Variants in VASH1 observed in about 807,000 individuals in gnomAD.
VASH1 encodes the protein tubulinyl-Tyr carboxypeptidase 1.
In VASH1, 16 loss-of-function variants were observed where a neutral mutation model predicts 35.0. That is an observed-to-expected ratio of 0.46 (90% CI 0.31 to 0.70). The LOEUF is 0.70. Ranked by LOEUF, VASH1 falls within the 30% of genes least tolerant of loss-of-function variation. The pLI, the probability that VASH1 is intolerant of heterozygous loss-of-function variation, is 0.05. For synonymous variants in VASH1, 214 were observed against 200.9 expected (o/e 1.07, Z -0.55); for missense variants, 505 against 510.7 (o/e 0.99, Z 0.11).
rs1170169665 is a variant in VASH1 at position 76,782,963 on chromosome 14, A to C, written c.*3945A>C. 1 of 152,706 alleles carries C rather than the reference A, an allele frequency of 6.5e-6. No individual in the cohort carries two copies. Among genetic ancestry groups the C allele is most frequent in the African/African-American group, 2.4e-5 (1 of 41,438 alleles). The allele number at this position is 152,706 out of a possible 1,614,324, so 9.5% of individuals were successfully genotyped here. A position where few individuals can be genotyped will look rare whatever the true frequency, so the allele number is the denominator to read the frequency against. Reference sequence around the variant, plus strand: ...CTCATTCCTGTTGTCACTTTCCCCGAAACGAATAAAGTCTCCCCAGCTCCT... The same window carrying C: ...CTCATTCCTGTTGTCACTTTCCCCGCAACGAATAAAGTCTCCCCAGCTCCT... On this transcript the variant is annotated 3_prime_UTR_variant, in exon 7 of 7. Coordinates refer to ENST00000167106, the MANE Select transcript of VASH1 (RefSeq NM_014909.5).
rs1445737229 is a variant in VASH1 at position 76,776,288 on chromosome 14, C to T, written c.912+15C>T. On this transcript the variant is annotated intron_variant, in intron 5 of 6. Coordinates refer to ENST00000167106, the MANE Select transcript of VASH1 (RefSeq NM_014909.5). ...TGCGGCTCAAGGTCTGCCCGCCTTC[C>T]ACGCCCTCGCCCCCTCCCTCGCCCC... 4 of 1,547,500 alleles carry T rather than the reference C, an allele frequency of 2.6e-6. No homozygotes were observed. In the African/African-American group the frequency reaches 5.4e-5, roughly 21 times the overall value.
At chr14:76,775,146 T>C (rs1378112322) in intron 4 of VASH1, among the ~76,000 whole-genome samples, 1 of 152,174 alleles carries the variant, frequency 6.6e-6, no homozygotes, top group Non-Finnish European at 1.5e-5. Context: ...GTTTGCATTC[T>C]AGTGGAGGAG....
chr14:76,778,970 C>A lies in VASH1; in HGVS notation c.1050C>A (p.Ser350=). The A allele has an allele frequency of 2.5e-6, 4 of 1,614,186 alleles. No individual in the cohort carries two copies. The highest frequency in any genetic ancestry group is 3.4e-6 in the Non-Finnish European group (4 of 1,180,032). The part of the protein sequence containing the change: ...ERRPSGDKKT[S]EPKAMPDLNG... ...GGCCCTCGGGTGACAAGAAGACTTC[C>A]GAGCCCAAAGCCATGCCAGACCTTA... The change falls in exon 7 of 7, where the codon TCC becomes TCA. Residue 350 remains serine, a synonymous_variant. Coordinates refer to ENST00000167106, the MANE Select transcript of VASH1 (RefSeq NM_014909.5).
chr14:76,776,377 G>C, intron 5 of VASH1, 104 bp downstream of exon 5: 12 of 1,400,856 alleles, frequency 8.6e-6, no homozygotes, highest in Non-Finnish European at 1.1e-5. Context: ...CAGGGGACTG[G>C]GGTGCTGGGA....
chr14:76,769,932 C>G (rs199598173), intron 1 of VASH1, 31 bp from the exon 2 acceptor site: 116 of 1,609,100 alleles, frequency 7.2e-5, no homozygotes, highest in South Asian at 4.4e-5. Context: ...TGAGCCTCTT[C>G]TTGTGACCGG....
intron 4 of VASH1, chr14:76,774,335 T>A (rs1448092185): frequency 6.6e-6 from 1 of 152,150 alleles, no homozygotes; most frequent in Non-Finnish European, 1.5e-5. Context: ...GTTTATGGGG[T>A]TCTTTGCTGG....
At chr14:76,775,865 C>T (rs2140185980) in intron 4 of VASH1, 27 bp from the exon 5 acceptor site, 2 of 1,526,966 alleles carry the variant, frequency 1.3e-6, no homozygotes, top group South Asian at 1.3e-5. Context: ...CTTCTCCTGG[C>T]TCTTTCCTTA....
chr14:76,777,961 TGGCAAAGG>T lies in VASH1; in HGVS notation c.917_924del (p.Gly306AspfsTer32). On this transcript the variant is annotated frameshift_variant, in exon 6 of 7. Transcript: ENST00000167106. LOFTEE classifies it high-confidence loss of function. ...GTTGCTTCCTCCTCTGCACCTAGAT[TGGCAAAGG>T]GACGGGCCCTCCCTCTCCCACCAAG... 6.6e-7 allele frequency: 1 copy of T among 1,516,408 alleles called. No homozygotes were observed. The highest frequency in any genetic ancestry group is 8.8e-7 in the Non-Finnish European group (1 of 1,133,440). The allele number at this position is 1,516,408 out of a possible 1,614,324, so 93.9% of individuals were successfully genotyped here. A position where few individuals can be genotyped will look rare whatever the true frequency, so the allele number is the denominator to read the frequency against.
Position 76,762,799 on chromosome 14 carries a change from C to T in VASH1, c.-23C>T, listed in dbSNP as rs1006091338. ...TGAGCCAGTTGTTTTCCCGCCTCCA[C>T]CACCCCCCTCGAAGATTTAGGGATG... On this transcript the variant is annotated 5_prime_UTR_variant, in exon 1 of 7. Transcript: ENST00000167106. 1 of 1,448,798 alleles carries T rather than the reference C, an allele frequency of 6.9e-7. No individual in the cohort carries two copies. The highest frequency in any genetic ancestry group is 2.4e-5 in the East Asian group (1 of 40,970). The allele number at this position is 1,448,798 out of a possible 1,614,324, so 89.7% of individuals were successfully genotyped here. A position where few individuals can be genotyped will look rare whatever the true frequency, so the allele number is the denominator to read the frequency against.
chr14:76,775,884 C>G lies in VASH1; in HGVS notation c.531-8C>G, dbSNP rs1453980179. On this transcript the variant is annotated splice_polypyrimidine_tract_variant and splice_region_variant and intron_variant, in intron 4 of 6. Coordinates refer to ENST00000167106, the MANE Select transcript of VASH1 (RefSeq NM_014909.5). Reference sequence around the variant, plus strand: ...TCCTGGCTCTTTCCTTAGCGGGGCACTGGCCAGTTACCTCACCAACAGCAT... The same window carrying G: ...TCCTGGCTCTTTCCTTAGCGGGGCAGTGGCCAGTTACCTCACCAACAGCAT... 1 of 1,556,940 alleles carries G rather than the reference C, an allele frequency of 6.4e-7. No homozygotes were observed. The highest frequency in any genetic ancestry group is 1.9e-5 in the Admixed American group (1 of 53,540).
At chr14:76,777,140 G>T (rs529775807) in intron 5 of VASH1, among the ~76,000 whole-genome samples, 3 of 152,230 alleles carry the variant, frequency 2.0e-5, no homozygotes, top group African/African-American at 7.2e-5. Context: ...GCAGGGGTTT[G>T]TAAGAGCTAC....
rs549248167 is a variant in VASH1, at chr14:76,778,181, G to A, written c.1025+110G>A. ...TCTCTCCCACCCTTCTCTCTTTTTC[G>A]CTCCCACCCAAGGGAGGTGACTTGG... On this transcript the variant is annotated intron_variant, in intron 6 of 6. Transcript: ENST00000167106. 92 of 811,236 alleles carry A rather than the reference G, an allele frequency of 1.1e-4. 1 individual carries two copies. Among genetic ancestry groups the A allele is most frequent in the South Asian group, 4.3e-4 (16 of 37,646 alleles). The allele number at this position is 811,236 out of a possible 1,614,324, so 50.3% of individuals were successfully genotyped here. A position where few individuals can be genotyped will look rare whatever the true frequency, so the allele number is the denominator to read the frequency against.
At chr14:76,763,274 C>T in intron 1 of VASH1, 144 bp downstream of exon 1, 1 of 860,836 alleles carries the variant, frequency 1.2e-6, no homozygotes, top group Non-Finnish European at 1.6e-6. Flanking sequence ...TCATACCTGT[C>T]TAGGAGAACT....
At chr14:76,776,860 T>TA (rs1893959637) in intron 5 of VASH1, among the ~76,000 whole-genome samples, 1 of 152,058 alleles carries the variant, frequency 6.6e-6, no homozygotes, top group Non-Finnish European at 1.5e-5. Flanking sequence ...CCCTGCTGGG[T>TA]ATCTCCATAG....
intron 1 of VASH1, among the ~76,000 whole-genome samples, chr14:76,764,305 T>C (rs1341247187): frequency 6.6e-6 from 1 of 152,194 alleles, no homozygotes; most frequent in Non-Finnish European, 1.5e-5. Flanking sequence ...GGAAACAAAA[T>C]GTAGATTGAT....
In VASH1 at chr14:76,776,047, A is replaced by T. The variant is rs764924694; in HGVS notation, c.686A>T (p.Lys229Met). 6.2e-7 allele frequency: 1 copy of T among 1,611,028 alleles called. No individual in the cohort carries two copies. The highest frequency in any genetic ancestry group is 8.5e-7 in the Non-Finnish European group (1 of 1,179,602). ...AGTCGGCGCGAGGACCTGATGTACA[A>T]GCCGCCCGCCTTCCGCACGCTCAGC... ...GMSRREDLMY[K>M]PPAFRTLSEL... Residue 229 changes from lysine (K) to methionine (M), a missense_variant, in exon 5 of 7, where the codon AAG becomes ATG. By Grantham distance (95) the Lys-to-Met change is moderately conservative. Coordinates refer to ENST00000167106, the MANE Select transcript of VASH1 (RefSeq NM_014909.5).
In VASH1 at chr14:76,782,687, G is replaced by A. The variant is rs991053488; in HGVS notation, c.*3669G>A. The A allele has an allele frequency of 6.6e-6, 1 of 152,544 alleles. No individual in the cohort carries two copies. Among genetic ancestry groups the A allele is most frequent in the East Asian group, 1.9e-4 (1 of 5,194 alleles). The allele number at this position is 152,544 out of a possible 1,614,324, so 9.4% of individuals were successfully genotyped here. On this transcript the variant is annotated 3_prime_UTR_variant, in exon 7 of 7. Coordinates refer to ENST00000167106, the MANE Select transcript of VASH1 (RefSeq NM_014909.5). ...TGCCAGCTTCCTTAGACCAGGCAGGGCTGCCATGGTGCTAGCTGCAAGTCC... is the reference window on the plus strand; with the variant it reads ...TGCCAGCTTCCTTAGACCAGGCAGGACTGCCATGGTGCTAGCTGCAAGTCC...
chr14:76,767,359 T>C (rs1893671795), intron 1 of VASH1, among the ~76,000 whole-genome samples: 1 of 152,200 alleles, frequency 6.6e-6, no homozygotes, highest in Non-Finnish European at 1.5e-5. Context: ...CCTATTGCCC[T>C]CTAGGCCACA....
Position 76,778,952 on chromosome 14 carries a change from G to A in VASH1, c.1032G>A (p.Ser344=), listed in dbSNP as rs769575948. The A allele has an allele frequency of 2.2e-5, 36 of 1,613,992 alleles. 2 individuals carry two copies. In the Middle Eastern group the frequency reaches 4.9e-4, roughly 22 times the overall value. ...RRNSRSERRP[S]GDKKTSEPKA... ...TGCTCTCTTCCTCCCACAGGCCCTCGGGTGACAAGAAGACTTCCGAGCCCA... is the reference window on the plus strand; with the variant it reads ...TGCTCTCTTCCTCCCACAGGCCCTCAGGTGACAAGAAGACTTCCGAGCCCA... Residue 344 remains serine (S), a synonymous_variant, in exon 7 of 7, where the codon TCG becomes TCA. Transcript: ENST00000167106.
Sources: allele counts gnomAD v4.1 joint callset (sites outside exome capture counted in the v4.1 genomes callset), GRCh38; gene constraint gnomAD v4.1.1; transcripts MANE v1.5; gene names NCBI Gene and HGNC (gene_info 2026-07-23, HGNC 2026-07-21).